The following CDH18 variants were observed in gnomAD, a reference collection of about 807,000 sequenced individuals.
CDH18 encodes cadherin 18, also known as cadherin-18.
A neutral mutation model predicts 67.9 loss-of-function variants in CDH18; 31 were observed. The observed-to-expected ratio is 0.46, with a 90% CI of 0.34 to 0.62. The LOEUF (loss-of-function observed/expected upper bound fraction) is 0.62, where lower values mean the gene tolerates loss of function less well. CDH18 is among the 20% of genes least tolerant of loss of function. CDH18 has a pLI of 0.01. For synonymous variants in CDH18, 362 were observed against 347.2 expected, an observed-to-expected ratio of 1.04 and a Z score of -0.48; for missense variants, 890 against 975.5, an observed-to-expected ratio of 0.91 and a Z score of 1.17.
intron 8 of CDH18, 121 bp from the exon 9 acceptor site, chr5:19,544,126 G>T (rs1006232179): frequency 4.8e-6 from 2 of 415,760 alleles, no homozygotes; most frequent in African/African-American, 4.0e-5. Context: ...TTCTATATTT[G>T]ATTACATGGC....
At chr5:19,584,995 C>CAA (rs34553605) in intron 7 of CDH18, among the ~76,000 whole-genome samples, 26,012 of 141,844 alleles carry the variant, frequency 0.18, 2,917 homozygotes, top group East Asian at 0.39. Context: ...ACTCTATCTC[C>CAA]AAAAAAAAAA....
intron 2 of CDH18, among the ~76,000 whole-genome samples, chr5:20,152,121 ATTAT>A (rs1218032902): frequency 6.8e-6 from 1 of 146,078 alleles, no homozygotes; most frequent in Non-Finnish European, 1.5e-5. Context: ...ATTATATATA[ATTAT>A]TTATATATTA....
chr5:20,419,541 TC>T (rs1369333220), intron 1 of CDH18, among the ~76,000 whole-genome samples: 2 of 139,812 alleles, frequency 1.4e-5, no homozygotes, highest in Admixed American at 7.4e-5. Flanking sequence ...AGTGGCAAGA[TC>T]TCGGCTCACT....
At chr5:19,494,294 A>C (rs1393374520) in intron 11 of CDH18, among the ~76,000 whole-genome samples, 1 of 152,126 alleles carries the variant, frequency 6.6e-6, no homozygotes, top group African/African-American at 2.4e-5. Context: ...GTGTGTTTTC[A>C]AATTCTTTAT....
chr5:19,601,067 C>G (rs1747055892), intron 6 of CDH18, among the ~76,000 whole-genome samples: 1 of 152,088 alleles, frequency 6.6e-6, no homozygotes, highest in Non-Finnish European at 1.5e-5. Context: ...AAATCCTCAA[C>G]TAAGGAAAAA....
intron 5 of CDH18, among the ~76,000 whole-genome samples, chr5:19,703,162 G>A (rs1023689264): frequency 2.0e-5 from 3 of 152,106 alleles, no homozygotes; most frequent in African/African-American, 7.2e-5. Flanking sequence ...CTCCGCTGGG[G>A]TAGGGTCTCC....
At chr5:19,599,259 A>G (rs962078735) in intron 6 of CDH18, among the ~76,000 whole-genome samples, 1 of 152,170 alleles carries the variant, frequency 6.6e-6, no homozygotes, top group African/African-American at 2.4e-5. Flanking sequence ...AAAGACATGG[A>G]TCATGAATCT....
intron 2 of CDH18, among the ~76,000 whole-genome samples, chr5:20,015,022 T>C (rs1187765956): frequency 2.0e-5 from 3 of 152,126 alleles, no homozygotes; most frequent in East Asian, 1.9e-4. Context: ...AAAGGACATA[T>C]ACTAGGTCAA....
chr5:19,888,390 G>T (rs1457556535), intron 2 of CDH18, among the ~76,000 whole-genome samples: 1 of 151,300 alleles, frequency 6.6e-6, no homozygotes, highest in Non-Finnish European at 1.5e-5. Flanking sequence ...TTCAGTAATG[G>T]CTTTAGGAAT....
intron 5 of CDH18, among the ~76,000 whole-genome samples, chr5:19,673,962 T>C (rs1392143574): frequency 6.6e-6 from 1 of 152,032 alleles, no homozygotes; most frequent in Non-Finnish European, 1.5e-5. Context: ...TTTAATCACA[T>C]CTTTAAAGAA....
intron 1 of CDH18, among the ~76,000 whole-genome samples, chr5:20,497,406 A>T (rs1013867590): frequency 6.6e-6 from 1 of 152,168 alleles, no homozygotes; most frequent in African/African-American, 2.4e-5. Flanking sequence ...CTATATTTAG[A>T]TACGCTTAGA....
At chr5:20,007,994 T>C (rs1009182948) in intron 2 of CDH18, among the ~76,000 whole-genome samples, 3 of 152,014 alleles carry the variant, frequency 2.0e-5, no homozygotes, top group Non-Finnish European at 4.4e-5. Flanking sequence ...ATCTGGCTCT[T>C]TACAGAAAAA....
At chr5:19,831,540 A>AAC (rs977389090) in intron 3 of CDH18, among the ~76,000 whole-genome samples, 1 of 152,134 alleles carries the variant, frequency 6.6e-6, no homozygotes, top group Non-Finnish European at 1.5e-5. Context: ...TGCAAATCAA[A>AAC]ACCACAATAA....
At chr5:20,305,527 G>C in intron 1 of CDH18, 1 of 887,020 alleles carries the variant, frequency 1.1e-6, no homozygotes, top group Non-Finnish European at 1.9e-6. Flanking sequence ...AGCGGCGCAG[G>C]GGTCTCGAGC....
At chr5:19,476,346 A>T (rs1162047124) in intron 12 of CDH18, among the ~76,000 whole-genome samples, 1 of 152,100 alleles carries the variant, frequency 6.6e-6, no homozygotes, top group Non-Finnish European at 1.5e-5. Context: ...GGTGCTACAC[A>T]TGCCCTGATC....
chr5:19,705,658 T>C (rs2150502052), intron 5 of CDH18, among the ~76,000 whole-genome samples: 1 of 152,294 alleles, frequency 6.6e-6, no homozygotes, highest in East Asian at 1.9e-4. Context: ...GGCTTTTTCT[T>C]CCACATACTA....
At chr5:19,650,524 G>A (rs1270249823) in intron 5 of CDH18, among the ~76,000 whole-genome samples, 2 of 152,136 alleles carry the variant, frequency 1.3e-5, no homozygotes, top group African/African-American at 2.4e-5. Flanking sequence ...CATTGTCTGA[G>A]CTAATGGAGA....
intron 2 of CDH18, among the ~76,000 whole-genome samples, chr5:19,881,760 C>T (rs983685973): frequency 1.3e-5 from 2 of 152,100 alleles, no homozygotes; most frequent in Non-Finnish European, 2.9e-5. Context: ...CCCGCCTCGA[C>T]CTCCCAAAGT....
chr5:19,790,232 T>C (rs192395565), intron 3 of CDH18, among the ~76,000 whole-genome samples: 63 of 152,252 alleles, frequency 4.1e-4, no homozygotes, highest in African/African-American at 1.4e-3. Flanking sequence ...TAAACTTTCC[T>C]AGTCAACATA....
Sources: gnomAD v4.1 joint callset for allele counts (sites outside exome capture counted in the v4.1 genomes callset) on GRCh38, gnomAD v4.1.1 for gene constraint, MANE v1.5 for transcripts, NCBI Gene and HGNC (gene_info 2026-07-23, HGNC 2026-07-21) for gene names.